Variants in LRRFIP1 observed in about 807,000 individuals in gnomAD.
LRRFIP1 encodes leucine-rich repeat flightless-interacting protein 1.
Under a neutral mutation model 104.4 loss-of-function variants are expected in LRRFIP1, and 62 were observed. That is an observed-to-expected ratio of 0.59 (90% CI 0.48 to 0.73). LRRFIP1 has a LOEUF of 0.73. LRRFIP1 is among the 30% of genes least tolerant of loss of function. The probability of loss-of-function intolerance (pLI) is 0.00; values close to 1 mark genes in which losing one functional copy is unlikely to be tolerated. For missense variants in LRRFIP1, 796 were observed against 824.5 expected (o/e 0.97, Z 0.42); for synonymous variants, 300 against 299.0 (o/e 1.00, Z -0.03).
At chr2:237,761,283 C>T (rs969700073) in intron 19 of LRRFIP1, among the ~76,000 whole-genome samples, 3 of 152,190 alleles carry the variant, frequency 2.0e-5, no homozygotes, top group African/African-American at 4.8e-5. Flanking sequence ...CCCAGCGCTG[C>T]GGGTGGCCAA....
chr2:237,761,735 C>G (rs187629965), intron 19 of LRRFIP1, among the ~76,000 whole-genome samples: 1 of 152,112 alleles, frequency 6.6e-6, no homozygotes, highest in Non-Finnish European at 1.5e-5. Context: ...TAATATTTCC[C>G]CCATTTTCCC....
At chr2:237,692,192 C>G (rs2092835382) in intron 1 of LRRFIP1, 1 of 1,049,252 alleles carries the variant, frequency 9.5e-7, no homozygotes, top group East Asian at 7.6e-5. Flanking sequence ...CGCCCGAGTC[C>G]CGCTTCCCCG....
At chr2:237,727,765 C>T (rs144780866) in intron 7 of LRRFIP1, 111 bp from the exon 8 acceptor site, 112 of 748,116 alleles carry the variant, frequency 1.5e-4, no homozygotes, top group African/African-American at 8.7e-4. Flanking sequence ...GTCATTCATC[C>T]GCTCCACAAG....
chr2:237,641,233 C>T (rs867405468), intron 1 of LRRFIP1, among the ~76,000 whole-genome samples: 3 of 148,330 alleles, frequency 2.0e-5, no homozygotes, highest in Admixed American at 1.3e-4. Flanking sequence ...AAAAAAAGGC[C>T]AGGTGCAGTG....
intron 8 of LRRFIP1, among the ~76,000 whole-genome samples, chr2:237,728,638 C>T (rs1026352566): frequency 5.3e-5 from 8 of 152,178 alleles, no homozygotes; most frequent in Non-Finnish European, 7.3e-5. Flanking sequence ...CCCACAGGTC[C>T]ATTCTGTGTG....
chr2:237,765,912 G>A (rs62194228), intron 19 of LRRFIP1: 73,276 of 984,060 alleles, frequency 0.074, 2,916 homozygotes, highest in African/African-American at 0.14. Flanking sequence ...TTATAATTGT[G>A]CAAGCCTGTG....
At chr2:237,706,342 CTCTTCT>C (rs1200098498) in intron 1 of LRRFIP1, among the ~76,000 whole-genome samples, 1 of 152,132 alleles carries the variant, frequency 6.6e-6, no homozygotes, top group African/African-American at 2.4e-5. Flanking sequence ...CCCTCTGCTC[CTCTTCT>C]TCTTCTTGCA....
intron 1 of LRRFIP1, among the ~76,000 whole-genome samples, chr2:237,704,443 C>T (rs961180951): frequency 4.6e-5 from 7 of 152,168 alleles, no homozygotes; most frequent in East Asian, 1.9e-4. Flanking sequence ...TGTGAACCAC[C>T]GCGCCTGGCC....
chr2:237,751,258 TGAAA>T lies in LRRFIP1; in HGVS notation c.857_860del (p.Lys286ArgfsTer2). 1 of 1,608,402 alleles carries T rather than the reference TGAAA, an allele frequency of 6.2e-7. No homozygotes were observed. Among genetic ancestry groups the T allele is most frequent in the Non-Finnish European group, 8.5e-7 (1 of 1,177,342 alleles). On this transcript the variant is annotated frameshift_variant, in exon 14 of 24. Coordinates refer to ENST00000308482, the MANE Select transcript of LRRFIP1 (RefSeq NM_001137550.2). LOFTEE classifies it high-confidence loss of function. ...GTAGAAGGCAAATACATGCAGGGATTGAAAGAGATGAAGGTACCAATTCACAGAC... is the reference window on the plus strand; with the variant it reads ...GTAGAAGGCAAATACATGCAGGGATTGAGATGAAGGTACCAATTCACAGAC...
At chr2:237,753,622 A>G in intron 15 of LRRFIP1, 143 bp downstream of exon 15, 1 of 598,216 alleles carries the variant, frequency 1.7e-6, no homozygotes, top group South Asian at 2.5e-5. Context: ...ATGGCGAGAC[A>G]TCATTTCTAA....
At chr2:237,681,397 C>T (rs943228428) in intron 1 of LRRFIP1, among the ~76,000 whole-genome samples, 1 of 152,012 alleles carries the variant, frequency 6.6e-6, no homozygotes, top group African/African-American at 2.4e-5. Flanking sequence ...GATGGAGTCT[C>T]GTTCTGTGAC....
At chr2:237,742,357 G>A (rs1389541269) in intron 11 of LRRFIP1, among the ~76,000 whole-genome samples, 1 of 152,186 alleles carries the variant, frequency 6.6e-6, no homozygotes, top group Non-Finnish European at 1.5e-5. Context: ...TGAGGGACAA[G>A]GCTGTCCCCC....
rs1410029567 is a variant in LRRFIP1, at chr2:237,757,634, C to T, written c.1224+86C>T. ...TTTTCAGAGTCTTTAGTTTGCAAAA[C>T]CGCTTGTCTGAGTATGCATGCAACT... On this transcript the variant is annotated intron_variant, in intron 17 of 23. Transcript: ENST00000308482. 3.1e-6 allele frequency: 3 copies of T among 967,602 alleles called. No homozygotes were observed. In the Admixed American group the frequency reaches 7.0e-5, roughly 22 times the overall value. The allele number at this position is 967,602 out of a possible 1,614,324, so 59.9% of individuals were successfully genotyped here.
chr2:237,775,314 G>A (rs1383659538), intron 23 of LRRFIP1, among the ~76,000 whole-genome samples: 6 of 152,250 alleles, frequency 3.9e-5, no homozygotes, highest in South Asian at 2.1e-4. Flanking sequence ...ATCAGCACGT[G>A]CAGGGGAGCT....
chr2:237,674,541 G>A (rs1263207417), intron 1 of LRRFIP1, among the ~76,000 whole-genome samples: 2 of 152,166 alleles, frequency 1.3e-5, no homozygotes, highest in African/African-American at 2.4e-5. Context: ...GGTCAATTAT[G>A]TGACTTTCAA....
chr2:237,774,192 T>G (rs1303487304), intron 22 of LRRFIP1, 166 bp from the exon 23 acceptor site: 1 of 594,648 alleles, frequency 1.7e-6, no homozygotes, highest in Non-Finnish European at 3.0e-6. Flanking sequence ...TAACCAAGAA[T>G]AGCTTGCTTG....
chr2:237,778,895 TG>T (rs2061314467), intron 23 of LRRFIP1, among the ~76,000 whole-genome samples: 1 of 144,250 alleles, frequency 6.9e-6, no homozygotes, highest in Non-Finnish European at 1.5e-5. Flanking sequence ...CTGGCCTGGG[TG>T]ACAGAGCGAG....
At chr2:237,746,177 A>T (rs1052086352) in intron 11 of LRRFIP1, among the ~76,000 whole-genome samples, 2 of 151,244 alleles carry the variant, frequency 1.3e-5, no homozygotes, top group African/African-American at 4.9e-5. Context: ...TCCTGCCTCA[A>T]CCTCCTGAGT....
At chr2:237,740,959 G>A (rs2095398576) in intron 11 of LRRFIP1, among the ~76,000 whole-genome samples, 1 of 152,200 alleles carries the variant, frequency 6.6e-6, no homozygotes, top group Non-Finnish European at 1.5e-5. Context: ...TGCAACGCCA[G>A]CGCCTCTTTC....
Sources: allele counts gnomAD v4.1 joint callset (sites outside exome capture counted in the v4.1 genomes callset), GRCh38; gene constraint gnomAD v4.1.1; transcripts MANE v1.5; gene names NCBI Gene and HGNC (gene_info 2026-07-23, HGNC 2026-07-21).